Variants in ADAMTS20 observed in about 807,000 individuals in gnomAD.
The protein encoded by ADAMTS20 is A disintegrin and metalloproteinase with thrombospondin motifs 20.
In ADAMTS20, 225 loss-of-function variants were observed where a neutral mutation model predicts 260.1. The observed-to-expected ratio is 0.87, with a 90% CI of 0.78 to 0.97. ADAMTS20 has a LOEUF of 0.97. ADAMTS20 is among the 50% of genes least tolerant of loss of function. The pLI, the probability that ADAMTS20 is intolerant of heterozygous loss-of-function variation, is 0.00. For missense variants in ADAMTS20, 2,400 were observed against 2,337.7 expected (o/e 1.03, Z -0.55); for synonymous variants, 802 against 769.5 (o/e 1.04, Z -0.70).
intron 28 of ADAMTS20, among the ~76,000 whole-genome samples, chr12:43,409,520 T>A (rs11830167): frequency 0.013 from 1,738 of 133,914 alleles, 29 homozygotes; most frequent in African/African-American, 0.047. Flanking sequence ...GAGAATGGCG[T>A]GAACCCGGGA....
chr12:43,419,494 C>A (rs1267005631), intron 28 of ADAMTS20, among the ~76,000 whole-genome samples: 1 of 152,006 alleles, frequency 6.6e-6, no homozygotes, highest in African/African-American at 2.4e-5. Flanking sequence ...CTATAAACAG[C>A]CTCAATATAC....
intron 23 of ADAMTS20, 101 bp downstream of exon 23, chr12:43,430,251 C>A: frequency 1.5e-6 from 2 of 1,377,682 alleles, no homozygotes; most frequent in Non-Finnish European, 1.9e-6. Context: ...TTAAGGCATA[C>A]AAGTTTAAGT....
At chr12:43,431,009 A>G (rs1040474885) in intron 22 of ADAMTS20, among the ~76,000 whole-genome samples, 2 of 152,248 alleles carry the variant, frequency 1.3e-5, no homozygotes, top group African/African-American at 2.4e-5. Flanking sequence ...AACGATGCCT[A>G]TCCTAAAAAC....
At chr12:43,522,152 CT>C (rs1943080656) in intron 3 of ADAMTS20, among the ~76,000 whole-genome samples, 1 of 152,084 alleles carries the variant, frequency 6.6e-6, no homozygotes, top group South Asian at 2.1e-4. Flanking sequence ...CCTCAGGAAA[CT>C]TACAATCATG....
At chr12:43,535,998 T>C (rs1051977290) in intron 2 of ADAMTS20, among the ~76,000 whole-genome samples, 1 of 152,100 alleles carries the variant, frequency 6.6e-6, no homozygotes, top group Non-Finnish European at 1.5e-5. Context: ...TCGAGTCAGG[T>C]GAGGCTAAGT....
chr12:43,431,337 C>A lies in ADAMTS20; in HGVS notation c.3256G>T (p.Gly1086Cys). Residue 1086 changes from glycine to cysteine, a missense_variant, in exon 22 of 39, where the codon GGT becomes TGT. Transcript: ENST00000389420. ...TCASWQVGPW[G>C]PCTTTCGHGY... Reference sequence around the variant, plus strand: ...AACCCATATCATATACTCACAGGACCCCATGGTCCTACTTGCCAGGAAGCA... The same window carrying A: ...AACCCATATCATATACTCACAGGACACCATGGTCCTACTTGCCAGGAAGCA... 1 of 1,613,632 alleles carries A rather than the reference C, an allele frequency of 6.2e-7. No individual in the cohort carries two copies. The highest frequency in any genetic ancestry group is 8.5e-7 in the Non-Finnish European group (1 of 1,179,726).
At chr12:43,548,316 A>T (rs1289778922) in intron 2 of ADAMTS20, among the ~76,000 whole-genome samples, 1 of 152,222 alleles carries the variant, frequency 6.6e-6, no homozygotes, top group African/African-American at 2.4e-5. Context: ...CAAGTACACA[A>T]GGTGACAAAG....
At chr12:43,398,999 A>G in intron 29 of ADAMTS20, 67 bp downstream of exon 29, 3 of 1,088,050 alleles carry the variant, frequency 2.8e-6, no homozygotes, top group Non-Finnish European at 3.6e-6. Context: ...GTTATGAAAA[A>G]TAAGAATGAA....
At chr12:43,469,278 A>G (rs1942210139) in intron 7 of ADAMTS20, among the ~76,000 whole-genome samples, 1 of 152,148 alleles carries the variant, frequency 6.6e-6, no homozygotes, top group Admixed American at 6.5e-5. Context: ...CCGTCACTGA[A>G]TAATTTTGTA....
At chr12:43,437,941 T>C (rs941270827) in intron 18 of ADAMTS20, among the ~76,000 whole-genome samples, 1 of 152,128 alleles carries the variant, frequency 6.6e-6, no homozygotes, top group African/African-American at 2.4e-5. Context: ...AATTCTATAA[T>C]ATGCTTGACA....
At chr12:43,383,769 G>T (rs1225335922) in intron 30 of ADAMTS20, 35 bp downstream of exon 30, 1 of 1,613,344 alleles carries the variant, frequency 6.2e-7, no homozygotes, top group African/African-American at 1.3e-5. Context: ...ATTCTTATAT[G>T]CAGTGTCTTT....
At chr12:43,460,988 A>ATATATTTTTTTTTTTT in intron 11 of ADAMTS20, among the ~76,000 whole-genome samples, 2 of 26,394 alleles carry the variant, frequency 7.6e-5, no homozygotes, top group African/African-American at 1.3e-4. Flanking sequence ...ATATATATAT[A>ATATATTTTTTTTTTTT]TTTTTTTTTT....
intron 4 of ADAMTS20, among the ~76,000 whole-genome samples, chr12:43,498,172 A>G (rs2137439624): frequency 6.6e-6 from 1 of 152,274 alleles, no homozygotes; most frequent in Admixed American, 6.5e-5. Flanking sequence ...TTTTAATGTT[A>G]ATTCCAGAAA....
At chr12:43,431,251 A>G (rs1941436460) in intron 22 of ADAMTS20, 81 bp downstream of exon 22, 1 of 1,426,034 alleles carries the variant, frequency 7.0e-7, no homozygotes. Context: ...GCATCCACTA[A>G]GGGAGGAGTA....
At chr12:43,550,409 T>C (rs969503061) in intron 2 of ADAMTS20, among the ~76,000 whole-genome samples, 1 of 152,184 alleles carries the variant, frequency 6.6e-6, no homozygotes, top group Non-Finnish European at 1.5e-5. Flanking sequence ...TCACAGGCCA[T>C]CCCCATACCA....
At chr12:43,493,095 A>T (rs1222225018) in intron 5 of ADAMTS20, 75 bp downstream of exon 5, 3 of 948,084 alleles carry the variant, frequency 3.2e-6, no homozygotes, top group Non-Finnish European at 4.8e-6. Flanking sequence ...TTCTAATAAG[A>T]GTTCCATAAT....
intron 7 of ADAMTS20, among the ~76,000 whole-genome samples, chr12:43,489,027 T>C (rs560141792): frequency 6.6e-6 from 1 of 152,174 alleles, no homozygotes; most frequent in South Asian, 2.1e-4. Flanking sequence ...TTTTGGTGCT[T>C]AATAATATTC....
intron 3 of ADAMTS20, among the ~76,000 whole-genome samples, chr12:43,503,011 A>C (rs1177391815): frequency 6.6e-6 from 1 of 152,346 alleles, no homozygotes; most frequent in East Asian, 1.9e-4. Context: ...TTGCTTATAT[A>C]TAAATACTGC....
chr12:43,440,441 C>T (rs1941641732), intron 16 of ADAMTS20, among the ~76,000 whole-genome samples: 1 of 152,106 alleles, frequency 6.6e-6, no homozygotes, highest in South Asian at 2.1e-4. Flanking sequence ...AGCAACCGCA[C>T]CTGGCCTTGT....
Sources: gnomAD v4.1 joint callset for allele counts (sites outside exome capture counted in the v4.1 genomes callset) on GRCh38, gnomAD v4.1.1 for gene constraint, MANE v1.5 for transcripts, NCBI Gene and HGNC (gene_info 2026-07-23, HGNC 2026-07-21) for gene names.